ODAD2: variants seen among roughly 807,000 people sequenced by gnomAD.
ODAD2 encodes outer dynein arm-docking complex subunit 2.
ODAD2 carries 89 observed loss-of-function variants against 106.8 expected under a neutral mutation model. The ratio of observed to expected loss-of-function variants is 0.83; its 90% CI spans 0.70 to 0.99. The LOEUF is 0.99. ODAD2 is among the 50% of genes least tolerant of loss of function. The pLI is 0.00. For missense variants in ODAD2, 1,168 were observed against 1,238.5 expected (o/e 0.94, Z 0.85); for synonymous variants, 404 against 436.2 (o/e 0.93, Z 0.92).
At chr10:27,857,987 G>T (rs1211619856) in intron 19 of ODAD2, among the ~76,000 whole-genome samples, 1 of 152,124 alleles carries the variant, frequency 6.6e-6, no homozygotes, top group Non-Finnish European at 1.5e-5. Context: ...ACATGCATTC[G>T]AAGTCAGAAA....
chr10:27,936,713 A>T lies in ODAD2; in HGVS notation c.2252+13T>A. The T allele has an allele frequency of 6.2e-7, 1 of 1,613,648 alleles. No homozygotes were observed. Reference sequence around the variant, plus strand: ...CGTATCTTCATTTCAGAATATTGAGAGCCTTCTCTTACTTGGTAACATTCT... The same window carrying T: ...CGTATCTTCATTTCAGAATATTGAGTGCCTTCTCTTACTTGGTAACATTCT... On this transcript the variant is annotated intron_variant, in intron 15 of 19. Coordinates refer to ENST00000305242, the MANE Select transcript of ODAD2 (RefSeq NM_018076.5).
At chr10:27,982,497 G>A (rs78060407) in intron 6 of ODAD2, among the ~76,000 whole-genome samples, 1,888 of 151,994 alleles carry the variant, frequency 0.012, 36 homozygotes, top group African/African-American at 0.043. Context: ...TAGAGATTTC[G>A]TTTTTCTAAA....
chr10:27,978,475 A>G (rs1377723418), intron 7 of ODAD2, among the ~76,000 whole-genome samples: 2 of 152,214 alleles, frequency 1.3e-5, no homozygotes, highest in Non-Finnish European at 2.9e-5. Flanking sequence ...AGGAGGGTCT[A>G]CAAAATGATG....
At chr10:27,966,522 T>C (rs1379152916) in intron 9 of ODAD2, among the ~76,000 whole-genome samples, 2 of 152,178 alleles carry the variant, frequency 1.3e-5, no homozygotes, top group Non-Finnish European at 2.9e-5. Context: ...TTAAAATGCT[T>C]TTCCTATTTG....
chr10:27,926,918 A>G (rs1845295641), intron 16 of ODAD2, among the ~76,000 whole-genome samples: 1 of 152,186 alleles, frequency 6.6e-6, no homozygotes, highest in Non-Finnish European at 1.5e-5. Context: ...AATAGACATT[A>G]CTTGATACTT....
intron 10 of ODAD2, among the ~76,000 whole-genome samples, chr10:27,953,711 T>C (rs922535525): frequency 2.0e-5 from 3 of 152,182 alleles, no homozygotes; most frequent in Non-Finnish European, 4.4e-5. Flanking sequence ...CATTTATGTA[T>C]ATAAATTATA....
At chr10:27,988,435 T>G (rs1383803993) in intron 2 of ODAD2, among the ~76,000 whole-genome samples, 1 of 148,954 alleles carries the variant, frequency 6.7e-6, no homozygotes, top group Non-Finnish European at 1.5e-5. Context: ...CCTCCGGAGC[T>G]CAAGCAATCC....
chr10:27,981,694 T>C, intron 6 of ODAD2, 112 bp from the exon 7 acceptor site: 1 of 773,524 alleles, frequency 1.3e-6, no homozygotes, highest in East Asian at 3.1e-5. Flanking sequence ...GAAGGATCTA[T>C]ATGGTAGTTT....
chr10:27,914,296 A>ACC (rs578259252), intron 16 of ODAD2, among the ~76,000 whole-genome samples: 90 of 152,222 alleles, frequency 5.9e-4, no homozygotes, highest in African/African-American at 2.0e-3. Context: ...TGACCACCAG[A>ACC]CCTTTCCATT....
At chr10:27,967,519 TATTTCA>T (rs1418953399) in intron 9 of ODAD2, among the ~76,000 whole-genome samples, 2 of 152,082 alleles carry the variant, frequency 1.3e-5, no homozygotes, top group African/African-American at 4.8e-5. Context: ...GAAAACCTGC[TATTTCA>T]ATTCCTCACC....
intron 19 of ODAD2, among the ~76,000 whole-genome samples, chr10:27,854,601 C>T (rs756606835): frequency 5.9e-5 from 9 of 151,946 alleles, no homozygotes; most frequent in Non-Finnish European, 1.3e-4. Context: ...ACCAAAAATA[C>T]AAAAATTAGC....
intron 2 of ODAD2, among the ~76,000 whole-genome samples, chr10:27,988,518 G>C (rs114035515): frequency 0.012 from 1,837 of 151,910 alleles, 48 homozygotes; most frequent in African/African-American, 0.042. Context: ...TGTATTTTTA[G>C]TAGACAACGG....
At chr10:27,956,919 C>T (rs1387715010) in intron 10 of ODAD2, 1 of 152,178 alleles carries the variant, frequency 6.6e-6, no homozygotes, top group Non-Finnish European at 1.5e-5. Flanking sequence ...TTTATTTCCA[C>T]ATTTCCAAAC....
intron 7 of ODAD2, among the ~76,000 whole-genome samples, chr10:27,976,140 TTGTAAA>T (rs2133045627): frequency 6.6e-6 from 1 of 152,246 alleles, no homozygotes; most frequent in South Asian, 2.1e-4. Context: ...AGCCTTAACC[TTGTAAA>T]TGGTTAGCAT....
chr10:27,847,696 T>C (rs1838886289), intron 19 of ODAD2, among the ~76,000 whole-genome samples: 1 of 152,124 alleles, frequency 6.6e-6, no homozygotes, highest in African/African-American at 2.4e-5. Context: ...CAAAATCTCC[T>C]TAAGCTGAGA....
intron 19 of ODAD2, among the ~76,000 whole-genome samples, chr10:27,823,726 A>G (rs544219341): frequency 1.1e-3 from 173 of 152,326 alleles, no homozygotes; most frequent in Non-Finnish European, 1.7e-3. Flanking sequence ...GACTGATCCA[A>G]ATAAGCAATT....
chr10:27,892,312 T>G (rs1041715940), intron 17 of ODAD2, among the ~76,000 whole-genome samples: 1 of 152,218 alleles, frequency 6.6e-6, no homozygotes, highest in African/African-American at 2.4e-5. Context: ...TGCAGATTAT[T>G]TTTTATGACT....
intron 12 of ODAD2, among the ~76,000 whole-genome samples, chr10:27,943,928 C>T (rs2060406930): frequency 6.6e-6 from 1 of 151,752 alleles, no homozygotes; most frequent in Admixed American, 6.6e-5. Flanking sequence ...CTCTTACCTC[C>T]CATGCATGTA....
chr10:27,913,318 T>C (rs1391490369), intron 16 of ODAD2, among the ~76,000 whole-genome samples: 1 of 152,078 alleles, frequency 6.6e-6, no homozygotes, highest in African/African-American at 2.4e-5. Flanking sequence ...GAGTCTATTG[T>C]TTCCCTCTTT....
Sources: gnomAD v4.1 joint callset for allele counts (sites outside exome capture counted in the v4.1 genomes callset) on GRCh38, gnomAD v4.1.1 for gene constraint, MANE v1.5 for transcripts, NCBI Gene and HGNC (gene_info 2026-07-23, HGNC 2026-07-21) for gene names.